Variants in CA4 observed in about 807,000 individuals in gnomAD.
CA4 encodes CA-IV.
Under a neutral mutation model 34.5 loss-of-function variants are expected in CA4, and 24 were observed. That is an observed-to-expected ratio of 0.70 (90% CI 0.50 to 0.98). CA4 has a LOEUF of 0.98. CA4 is among the 50% of genes least tolerant of loss of function. The pLI is 0.00. For missense variants in CA4, 394 were observed against 396.7 expected, an observed-to-expected ratio of 0.99 and a Z score of 0.06; for synonymous variants, 178 against 170.6, an observed-to-expected ratio of 1.04 and a Z score of -0.34.
At chr17:60,160,093 T>C (rs1567733652), downstream of CA4, among the ~76,000 whole-genome samples, 1 of 152,088 alleles carries the variant, frequency 6.6e-6, no homozygotes, top group Non-Finnish European at 1.5e-5. Context: ...TGAGCTGAGA[T>C]TGTGCCACTG....
At position 60,150,654 on chromosome 17, in the gene CA4, T is replaced by TAAAA. The variant is rs66850461; in HGVS notation, c.58+595_58+598dup. Among the ~76,000 whole-genome samples the TAAAA allele has an allele frequency of 4.1e-4, 14 of 33,908 alleles. 1 individual carries two copies. Among genetic ancestry groups the TAAAA allele is most frequent in the African/African-American group, 9.5e-4 (12 of 12,606 alleles). The allele number at this position is 33,908 out of a possible 152,430, so 22.2% of individuals were successfully genotyped here. On this transcript the variant is annotated intron_variant, in intron 1 of 7. Coordinates refer to ENST00000300900, the MANE Select transcript of CA4 (RefSeq NM_000717.5). ...CTGCACTCCAGCCTGGTGCTCCGTT[T>TAAAA]AAAAAAAAAAAAAAAAAAAAAAAAA...
chr17:60,155,360 C>T lies in CA4; in HGVS notation c.105C>T (p.Pro35=), dbSNP rs548966631. Residue 35 remains proline, a synonymous_variant, in exon 2 of 8, where the codon CCC becomes CCT. Transcript: ENST00000300900. ...TTCAAGCCGAGTCCTCCAACTACCC[C>T]TGCTTGGGTGAGTACAGCCAGTCCA... The part of the protein sequence containing the change: ...YEVQAESSNY[P]CLVPVKWGGN... 3.7e-6 allele frequency: 6 copies of T among 1,609,452 alleles called. No homozygotes were observed. Among genetic ancestry groups the T allele is most frequent in the African/African-American group, 2.7e-5 (2 of 74,822 alleles).
At chr17:60,152,817 C>T (rs1399073163) in intron 1 of CA4, among the ~76,000 whole-genome samples, 1 of 152,220 alleles carries the variant, frequency 6.6e-6, no homozygotes. Context: ...TTGGTGGCTG[C>T]ACCTGTCAGA....
rs183400520 is a variant in CA4, at chr17:60,170,121, T to C, written c.*179-430T>C. The stretch of plus-strand genomic sequence containing the variant: ...CTGCCATGGTGTCCAGATGGACATG[T>C]GGTATTTGGTTTAAAGCCCACGCTA... On this transcript the variant is annotated intron_variant and NMD_transcript_variant, in intron 5 of 5. Coordinates refer to the CA4 transcript ENST00000586876. Among the ~76,000 whole-genome samples the C allele has an allele frequency of 1.3e-3, 201 of 152,196 alleles. 1 individual carries two copies. Among genetic ancestry groups the C allele is most frequent in the African/African-American group, 4.5e-3 (188 of 41,540 alleles).
chr17:60,155,621 AACACTCACACTCACACATGCACACAC>A (rs1395350105), intron 2 of CA4, among the ~76,000 whole-genome samples: 1 of 149,448 alleles, frequency 6.7e-6, no homozygotes, highest in Non-Finnish European at 1.5e-5. Context: ...CACACACTCA[AACACTCACACTCACACATGCACACAC>A]ACACTCACAC....
intron 5 of CA4, among the ~76,000 whole-genome samples, chr17:60,168,209 T>G (rs1297948914): frequency 4.9e-5 from 3 of 61,184 alleles, no homozygotes; most frequent in African/African-American, 6.9e-5. Flanking sequence ...TTTTATTTTT[T>G]GGGGGGGCGT....
chr17:60,174,311 C>A (rs1233524776), downstream of CA4, among the ~76,000 whole-genome samples: 1 of 152,070 alleles, frequency 6.6e-6, no homozygotes, highest in Non-Finnish European at 1.5e-5. Context: ...CTTCTTTGGG[C>A]AGCACAATGT....
Position 60,158,423 on chromosome 17 carries a change from C to A in CA4, c.721C>A (p.Pro241Thr). 6.2e-7 allele frequency: 1 copy of A among 1,613,966 alleles called. No homozygotes were observed. Among genetic ancestry groups the A allele is most frequent in the Non-Finnish European group, 8.5e-7 (1 of 1,180,004 alleles). Residue 241 changes from proline (P) to threonine (T), a missense_variant, in exon 7 of 8, where the codon CCC becomes ACC. Transcript: ENST00000300900. ...GGTCGTCTGGACTGTGTTCCGGGAG[C>A]CCATTCAGCTTCACAGAGAACAGGT... Reference protein sequence around the residue: ...EKVVWTVFREPIQLHREQILA... With the variant: ...EKVVWTVFRETIQLHREQILA...
chr17:60,155,914 C>T (rs1333363212), intron 2 of CA4, among the ~76,000 whole-genome samples: 2 of 152,180 alleles, frequency 1.3e-5, no homozygotes, highest in Admixed American at 6.5e-5. Flanking sequence ...TGGTCCTTTA[C>T]GCTTTTATTT....
downstream of CA4, among the ~76,000 whole-genome samples, chr17:60,172,518 A>T (rs1227029101): frequency 6.6e-6 from 1 of 152,160 alleles, no homozygotes; most frequent in Admixed American, 6.5e-5. Flanking sequence ...ATTACAGCAA[A>T]CAGAACTTAT....
At chr17:60,151,923 G>A (rs935094454) in intron 1 of CA4, among the ~76,000 whole-genome samples, 4 of 151,596 alleles carry the variant, frequency 2.6e-5, no homozygotes, top group Admixed American at 6.6e-5. Flanking sequence ...GGCCGGGAGC[G>A]ACTGAGACTT....
intron 5 of CA4, among the ~76,000 whole-genome samples, chr17:60,164,613 A>C (rs2083836428): frequency 1.3e-5 from 2 of 151,172 alleles, no homozygotes; most frequent in African/African-American, 2.4e-5. Flanking sequence ...CTGGTCTCGA[A>C]CTCCTGACCT....
Position 60,158,375 on chromosome 17 carries a change from A to G in CA4, c.673A>G (p.Thr225Ala), listed in dbSNP as rs762909095. ...RHYFRYLGSLTTPTCDEKVVW... is the reference protein window; with the variant it reads ...RHYFRYLGSLATPTCDEKVVW... ...CTACTTCCGCTACCTGGGCTCACTC[A>G]CCACACCGACCTGCGATGAGAAGGT... is the stretch of plus-strand genomic sequence containing the variant. Residue 225 changes from threonine (T) to alanine (A), a missense_variant, in exon 7 of 8, where the codon ACC (threonine) becomes GCC (alanine). Coordinates refer to ENST00000300900, the MANE Select transcript of CA4 (RefSeq NM_000717.5). 4.3e-6 allele frequency: 7 copies of G among 1,614,026 alleles called. No individual in the cohort carries two copies. The East Asian group carries it at 1.6e-4, about 36-fold the overall frequency.
intron 1 of CA4, among the ~76,000 whole-genome samples, chr17:60,154,892 T>C (rs1463773256): frequency 1.3e-5 from 2 of 152,208 alleles, no homozygotes; most frequent in Non-Finnish European, 1.5e-5. Flanking sequence ...AACCTGACTC[T>C]ATTGTCCCAG....
downstream of CA4, chr17:60,159,629 C>T (rs560507866): frequency 2.0e-5 from 13 of 641,180 alleles, no homozygotes; most frequent in East Asian, 1.6e-4. Context: ...TGTTCCAGGG[C>T]GGGGGCTTTA....
At chr17:60,167,223 G>C (rs2083864597) in intron 5 of CA4, among the ~76,000 whole-genome samples, 1 of 152,190 alleles carries the variant, frequency 6.6e-6, no homozygotes, top group African/African-American at 2.4e-5. Context: ...GTTTCTACAT[G>C]GACGCTTACA....
chr17:60,151,270 C>T (rs776372912), intron 1 of CA4, among the ~76,000 whole-genome samples: 13 of 152,038 alleles, frequency 8.6e-5, no homozygotes, highest in Non-Finnish European at 1.8e-4. Context: ...ATCCTCAAAG[C>T]GGCGGAGTGA....
downstream of CA4, among the ~76,000 whole-genome samples, chr17:60,161,999 C>T (rs2145291090): frequency 6.6e-6 from 1 of 152,176 alleles, no homozygotes; most frequent in Middle Eastern, 3.4e-3. Flanking sequence ...ACCAGGAAGT[C>T]CTGGCCTTTC....
At position 60,155,382 on chromosome 17, in the gene CA4, T is replaced by G; in HGVS notation, c.112+15T>G. ...CCCCTGCTTGGGTGAGTACAGCCAG[T>G]CCAGGGGACTGCTCTTTGTGCATGG... is the stretch of plus-strand genomic sequence containing the variant. On this transcript the variant is annotated intron_variant, in intron 2 of 7. Coordinates refer to ENST00000300900, the MANE Select transcript of CA4 (RefSeq NM_000717.5). 6.3e-7 allele frequency: 1 copy of G among 1,597,616 alleles called. No individual in the cohort carries two copies. The highest frequency in any genetic ancestry group is 8.5e-7 in the Non-Finnish European group (1 of 1,171,298).
Sources: allele counts gnomAD v4.1 joint callset (sites outside exome capture counted in the v4.1 genomes callset), GRCh38; gene constraint gnomAD v4.1.1; transcripts MANE v1.5; gene names NCBI Gene and HGNC (gene_info 2026-07-23, HGNC 2026-07-21).